PDE5A: variants seen among roughly 807,000 people sequenced by gnomAD.
The protein encoded by PDE5A is cGMP-specific 3',5'-cyclic phosphodiesterase.
A neutral mutation model predicts 110.2 loss-of-function variants in PDE5A; 67 were observed. The observed-to-expected ratio is 0.61, with a 90% CI of 0.50 to 0.75. PDE5A has a LOEUF of 0.75. PDE5A is among the 30% of genes least tolerant of loss of function. PDE5A has a pLI of 0.00. For synonymous variants in PDE5A, 328 were observed against 351.2 expected, an observed-to-expected ratio of 0.93 and a Z score of 0.74; for missense variants, 862 against 1,045.1, an observed-to-expected ratio of 0.82 and a Z score of 2.42.
chr4:119,578,309 A>C (rs1163860113), intron 3 of PDE5A, among the ~76,000 whole-genome samples: 1 of 152,144 alleles, frequency 6.6e-6, no homozygotes, highest in African/African-American at 2.4e-5. Flanking sequence ...GCTACCAATG[A>C]CTTTCTTCAC....
Position 119,627,275 on chromosome 4 carries a change from C to T in PDE5A, c.152+1245G>A, listed in dbSNP as rs115746781. The T allele has an allele frequency of 1.5e-3, 2,358 of 1,541,674 alleles. 26 individuals are homozygous for T. In the African/African-American group the frequency reaches 0.029, roughly 19 times the overall value. On this transcript the variant is annotated intron_variant, in intron 1 of 20. Transcript: ENST00000354960. This position sits in a 1 kb window ranked among gnomAD's most constrained non-coding sequence, Gnocchi z 4.6. ...CGCAGGTGAGGTGAGGTGAGGTCGG[C>T]GACTCAGAACCAGCTCCCTCACGGC...
intron 20 of PDE5A, chr4:119,500,330 C>CTT (rs1335020415): frequency 7.2e-6 from 1 of 138,048 alleles, no homozygotes; most frequent in African/African-American, 2.7e-5. Flanking sequence ...AGCCACAGTT[C>CTT]TTTATATTAA....
chr4:119,504,735 A>T, intron 17 of PDE5A, 136 bp from the exon 18 acceptor site: 1 of 546,034 alleles, frequency 1.8e-6, no homozygotes, highest in East Asian at 3.0e-5. Context: ...CCAAAGAAAA[A>T]GAAACAATTT....
intron 10 of PDE5A, among the ~76,000 whole-genome samples, chr4:119,541,010 T>C (rs1463726981): frequency 6.6e-6 from 1 of 152,148 alleles, no homozygotes; most frequent in Non-Finnish European, 1.5e-5. Flanking sequence ...ATTCAGAGAT[T>C]CTGAACAAAG....
chr4:119,612,680 C>T (rs1465247537), intron 1 of PDE5A, among the ~76,000 whole-genome samples: 1 of 152,172 alleles, frequency 6.6e-6, no homozygotes, highest in African/African-American at 2.4e-5. Flanking sequence ...CTCCTTTTGC[C>T]CTCCTGTGAG....
At chr4:119,502,369 C>A (rs1162485069) in intron 19 of PDE5A, 3 of 379,216 alleles carry the variant, frequency 7.9e-6, no homozygotes, top group Non-Finnish European at 1.4e-5. Context: ...AACACTGATA[C>A]AATATGATGA....
intron 2 of PDE5A, among the ~76,000 whole-genome samples, chr4:119,600,346 T>C (rs1157151716): frequency 1.3e-5 from 2 of 152,122 alleles, no homozygotes; most frequent in Non-Finnish European, 2.9e-5. Context: ...AGTAGATAGA[T>C]ACAGAAATAA....
intron 2 of PDE5A, among the ~76,000 whole-genome samples, chr4:119,604,466 A>G (rs778707133): frequency 6.6e-6 from 1 of 152,182 alleles, no homozygotes; most frequent in Non-Finnish European, 1.5e-5. Flanking sequence ...TTAAGACAGG[A>G]AGGGGATTCT....
At chr4:119,499,077 C>CAGGGAACTGCTTAGTTTTTGCGTTTTTCT (rs1725196806) in intron 20 of PDE5A, among the ~76,000 whole-genome samples, 1 of 152,162 alleles carries the variant, frequency 6.6e-6, no homozygotes, top group African/African-American at 2.4e-5. Context: ...GTGACTGCAT[C>CAGGGAACTGCTTAGTTTTTGCGTTTTTCT]AGGGAACTGC....
chr4:119,598,334 T>C (rs907317447), intron 2 of PDE5A, among the ~76,000 whole-genome samples: 3 of 152,128 alleles, frequency 2.0e-5, no homozygotes, highest in Non-Finnish European at 2.9e-5. Context: ...TGGGAATAAA[T>C]ACATCCTTCA....
chr4:119,562,131 G>T (rs1727764421), intron 6 of PDE5A, among the ~76,000 whole-genome samples: 1 of 152,204 alleles, frequency 6.6e-6, no homozygotes, highest in Non-Finnish European at 1.5e-5. Context: ...AGAAGGGAGA[G>T]AAAGTGCATA....
At chr4:119,555,264 A>G (rs1727496802) in intron 7 of PDE5A, among the ~76,000 whole-genome samples, 2 of 152,212 alleles carry the variant, frequency 1.3e-5, no homozygotes, top group Admixed American at 1.3e-4. Context: ...GAAATGACAG[A>G]AGAGTGACAT....
intron 3 of PDE5A, among the ~76,000 whole-genome samples, chr4:119,576,405 C>G (rs1728347939): frequency 6.6e-6 from 1 of 152,190 alleles, no homozygotes; most frequent in African/African-American, 2.4e-5. Context: ...CACCACACCA[C>G]ACTTATTCCA....
chr4:119,502,401 C>T (rs1323663751), intron 19 of PDE5A, 180 bp downstream of exon 19: 1 of 470,364 alleles, frequency 2.1e-6, no homozygotes, highest in Non-Finnish European at 3.7e-6. Flanking sequence ...TTTATTATGC[C>T]TTTTATTGGT....
At chr4:119,589,669 T>C (rs1332120575) in intron 3 of PDE5A, among the ~76,000 whole-genome samples, 3 of 152,184 alleles carry the variant, frequency 2.0e-5, no homozygotes, top group Non-Finnish European at 2.9e-5. Context: ...CTGGAGCAGA[T>C]TGGCTCAGAT....
At chr4:119,566,985 T>C (rs1409158499) in intron 4 of PDE5A, 88 bp downstream of exon 4, 4 of 891,796 alleles carry the variant, frequency 4.5e-6, no homozygotes, top group Non-Finnish European at 7.3e-6. Flanking sequence ...GACCAACAAT[T>C]TCAGCAACAG....
At chr4:119,504,345 C>T (rs1725483642) in intron 18 of PDE5A, among the ~76,000 whole-genome samples, 191 bp downstream of exon 18, 1 of 152,096 alleles carries the variant, frequency 6.6e-6, no homozygotes, top group East Asian at 1.9e-4. Context: ...TTTATCTAAT[C>T]AACTGTTGAT....
At chr4:119,554,866 T>C (rs1367385741) in intron 7 of PDE5A, among the ~76,000 whole-genome samples, 3 of 152,206 alleles carry the variant, frequency 2.0e-5, no homozygotes, top group Non-Finnish European at 2.9e-5. Flanking sequence ...TATAGGCAAA[T>C]ACTACATCAT....
intron 12 of PDE5A, among the ~76,000 whole-genome samples, chr4:119,523,452 C>T (rs556230038): frequency 1.2e-4 from 19 of 152,056 alleles, no homozygotes; most frequent in Non-Finnish European, 2.8e-4. Flanking sequence ...ATTTCATCAT[C>T]CTAAAATTAT....
Sources: gnomAD v4.1 joint callset for allele counts (sites outside exome capture counted in the v4.1 genomes callset) on GRCh38, gnomAD v4.1.1 for gene constraint, Gnocchi (gnomAD v3.1) non-coding constraint, MANE v1.5 for transcripts, NCBI Gene and HGNC (gene_info 2026-07-23, HGNC 2026-07-21) for gene names.